The following TNIK variants were observed in gnomAD, a reference collection of about 807,000 sequenced individuals.
TNIK encodes TRAF2 and NCK-interacting protein kinase.
In TNIK, 49 loss-of-function variants were observed where a neutral mutation model predicts 191.3. The observed-to-expected ratio is 0.26, with a 90% CI of 0.20 to 0.32. The LOEUF (loss-of-function observed/expected upper bound fraction) is 0.32, where lower values mean the gene tolerates loss of function less well. Among genes scored for constraint, TNIK ranks in the 10% least tolerant of loss-of-function variants. The pLI, the probability that TNIK is intolerant of heterozygous loss-of-function variation, is 1.00. For missense variants in TNIK, 1,155 were observed against 1,702.3 expected (o/e 0.68, Z 5.66); for synonymous variants, 594 against 600.9 (o/e 0.99, Z 0.17).
chr3:171,104,929 A>AATC (rs1053614722), intron 21 of TNIK, among the ~76,000 whole-genome samples: 1 of 150,076 alleles, frequency 6.7e-6, no homozygotes, highest in Admixed American at 6.6e-5. Context: ...TTACGTGTAT[A>AATC]ATCTTTGTGT....
chr3:171,375,323 T>C (rs1203667725), intron 1 of TNIK, among the ~76,000 whole-genome samples: 1 of 152,212 alleles, frequency 6.6e-6, no homozygotes, highest in Admixed American at 6.5e-5. Flanking sequence ...ATTTTATAGA[T>C]TTTCAACTAA....
intron 2 of TNIK, among the ~76,000 whole-genome samples, chr3:171,278,871 G>T (rs894030204): frequency 4.6e-5 from 7 of 152,128 alleles, no homozygotes; most frequent in African/African-American, 1.4e-4. Flanking sequence ...ATGTTAGAGG[G>T]TATAGAATTG....
At chr3:171,380,932 C>T (rs927877148) in intron 1 of TNIK, among the ~76,000 whole-genome samples, 1 of 152,226 alleles carries the variant, frequency 6.6e-6, no homozygotes, top group Non-Finnish European at 1.5e-5. Flanking sequence ...AGGGACCTGT[C>T]ATCTGGCAGA....
intron 2 of TNIK, among the ~76,000 whole-genome samples, chr3:171,304,377 T>C (rs1753192217): frequency 6.6e-6 from 1 of 152,042 alleles, no homozygotes; most frequent in Non-Finnish European, 1.5e-5. Flanking sequence ...CTGGAGAGGA[T>C]GTGGAGAAAT....
At position 171,085,143 on chromosome 3, in the gene TNIK, T is replaced by C. The variant is rs1235362593; in HGVS notation, c.2973A>G (p.Glu991=). The C allele has an allele frequency of 6.2e-7, 1 of 1,610,736 alleles. No homozygotes were observed. Among genetic ancestry groups the C allele is most frequent in the African/African-American group, 1.3e-5 (1 of 74,896 alleles). Residue 991 remains glutamate (E), a synonymous_variant, in exon 25 of 33, where the codon GAA becomes GAG. Coordinates refer to ENST00000436636, the MANE Select transcript of TNIK (RefSeq NM_015028.4). ...CTGCGGCTGATGATTCCTCATCCTC[T>C]TCATCTTCATCAGTGGGAGACGTCT... is the stretch of plus-strand genomic sequence containing the variant. ...VYQTSPTDED[E]EDEESSAAAL... is the part of the protein sequence containing the mutation.
At chr3:171,295,873 C>T (rs1752232617) in intron 2 of TNIK, among the ~76,000 whole-genome samples, 1 of 152,190 alleles carries the variant, frequency 6.6e-6, no homozygotes, top group Admixed American at 6.5e-5. Flanking sequence ...AAAAGCAGGA[C>T]ATGCCCCTCC....
chr3:171,308,063 TA>T, intron 2 of TNIK, among the ~76,000 whole-genome samples: 2 of 152,194 alleles, frequency 1.3e-5, no homozygotes, highest in East Asian at 3.9e-4. Context: ...TTCACAGAAT[TA>T]GAAAAAACTA....
chr3:171,081,695 C>CTTT (rs11421700), intron 27 of TNIK, among the ~76,000 whole-genome samples: 246 of 143,816 alleles, frequency 1.7e-3, no homozygotes, highest in African/African-American at 6.2e-3. Flanking sequence ...TAGTCTCCAT[C>CTTT]TTTTTTTTTT....
At chr3:171,092,235 A>C (rs565842648) in intron 23 of TNIK, among the ~76,000 whole-genome samples, 17 of 152,168 alleles carry the variant, frequency 1.1e-4, no homozygotes, top group African/African-American at 4.1e-4. Flanking sequence ...GGCACGAGCC[A>C]CCGCGCCCGG....
intron 2 of TNIK, among the ~76,000 whole-genome samples, chr3:171,260,413 G>GA (rs2109125459): frequency 6.6e-6 from 1 of 152,240 alleles, no homozygotes; most frequent in East Asian, 1.9e-4. Context: ...CCTAACAGAT[G>GA]AAAACCTGGG....
chr3:171,459,929 CCAG>C, intron 1 of TNIK, 75 bp downstream of exon 1: 1 of 1,442,740 alleles, frequency 6.9e-7, no homozygotes, highest in Non-Finnish European at 9.5e-7. Context: ...TGCCCCAGCC[CCAG>C]CCCCCAGTCC....
intron 1 of TNIK, among the ~76,000 whole-genome samples, chr3:171,385,569 A>G (rs1718617967): frequency 6.6e-6 from 1 of 152,188 alleles, no homozygotes; most frequent in Non-Finnish European, 1.5e-5. Context: ...CAGGAAATCG[A>G]TACAAACTGA....
chr3:171,266,751 TGAAAACAC>T (rs1748448825), intron 2 of TNIK, among the ~76,000 whole-genome samples: 2 of 152,338 alleles, frequency 1.3e-5, no homozygotes, highest in East Asian at 3.9e-4. Flanking sequence ...TAGAGTGCCT[TGAAAACAC>T]TTCCTTCCTC....
At chr3:171,412,609 C>A (rs1307524595) in intron 1 of TNIK, among the ~76,000 whole-genome samples, 2 of 152,136 alleles carry the variant, frequency 1.3e-5, no homozygotes, top group Non-Finnish European at 2.9e-5. Flanking sequence ...TGCCCAAGAG[C>A]ACTTAGAAAG....
At chr3:171,177,997 G>C (rs1402337535) in intron 7 of TNIK, among the ~76,000 whole-genome samples, 4 of 152,218 alleles carry the variant, frequency 2.6e-5, no homozygotes, top group Non-Finnish European at 5.9e-5. Context: ...ACGTAGAATA[G>C]TGTTTCTGAA....
chr3:171,076,838 G>A (rs572123503), intron 28 of TNIK, among the ~76,000 whole-genome samples: 24 of 149,900 alleles, frequency 1.6e-4, no homozygotes, highest in Admixed American at 1.5e-3. Flanking sequence ...TTTTTTTTCA[G>A]TCACAGACAT....
rs1489942859 is a variant in TNIK, at chr3:171,101,576, G to A, written c.2464C>T (p.Pro822Ser). ...RELRIEETNRPMKKVTDYSSS... is the reference protein window; with the variant it reads ...RELRIEETNRSMKKVTDYSSS... ...GAGTAATCAGTCACCTTCTTCATTGGGCGGTTTGTTTCTTCAATCCGGAGT... is the reference window on the plus strand; with the variant it reads ...GAGTAATCAGTCACCTTCTTCATTGAGCGGTTTGTTTCTTCAATCCGGAGT... Residue 822 changes from proline to serine, a missense_variant, in exon 22 of 33, where the codon CCA (proline) becomes TCA (serine). Around this residue, in one of 3 missense-constraint regions of TNIK, gnomAD observed 735 missense variants for 848.0 expected, o/e 0.87. Coordinates refer to ENST00000436636, the MANE Select transcript of TNIK (RefSeq NM_015028.4). The A allele has an allele frequency of 6.2e-7, 1 of 1,613,228 alleles. No homozygotes were observed. Among genetic ancestry groups the A allele is most frequent in the East Asian group, 2.2e-5 (1 of 44,868 alleles).
At chr3:171,084,079 A>G in intron 26 of TNIK, 76 bp downstream of exon 26, 1 of 1,436,048 alleles carries the variant, frequency 7.0e-7, no homozygotes. Flanking sequence ...CAAGATCCAC[A>G]GGCTTTTAAT....
chr3:171,339,371 T>C, intron 2 of TNIK, among the ~76,000 whole-genome samples: 1 of 152,270 alleles, frequency 6.6e-6, no homozygotes, highest in East Asian at 1.9e-4. Flanking sequence ...AAGCCAGTGC[T>C]GATCACTGGC....
Sources: allele counts gnomAD v4.1 joint callset (sites outside exome capture counted in the v4.1 genomes callset), GRCh38; gene constraint gnomAD v4.1.1; regional missense constraint gnomAD v4.1.1; transcripts MANE v1.5; gene names NCBI Gene and HGNC (gene_info 2026-07-23, HGNC 2026-07-21).